The following LRMDA variants were observed in gnomAD, a reference collection of about 807,000 sequenced individuals.
LRMDA encodes the protein leucine-rich melanocyte differentiation-associated protein.
In LRMDA, 18 loss-of-function variants were observed where a neutral mutation model predicts 29.8. That is an observed-to-expected ratio of 0.60 (90% CI 0.42 to 0.90). The LOEUF is 0.90. Among genes scored for constraint, LRMDA ranks in the 40% least tolerant of loss-of-function variants. LRMDA has a pLI of 0.00. For synonymous variants in LRMDA, 125 were observed against 109.4 expected, an observed-to-expected ratio of 1.14 and a Z score of -0.89; for missense variants, 273 against 273.9, an observed-to-expected ratio of 1.00 and a Z score of 0.02.
chr10:75,874,108 G>A (rs1845157176), intron 2 of LRMDA, among the ~76,000 whole-genome samples: 1 of 152,140 alleles, frequency 6.6e-6, no homozygotes, highest in African/African-American at 2.4e-5. Context: ...GAACTCAAGA[G>A]GTGGTAGATT....
intron 2 of LRMDA, among the ~76,000 whole-genome samples, chr10:75,925,816 C>A (rs1846111771): frequency 6.6e-6 from 1 of 151,932 alleles, no homozygotes; most frequent in South Asian, 2.1e-4. Flanking sequence ...GCATGCTTGG[C>A]TAGTTTTTGT....
rs1369392854 is a variant in LRMDA at position 76,519,737 on chromosome 10, A to G, written c.602-37472A>G. On this transcript the variant is annotated intron_variant, in intron 6 of 6. Coordinates refer to ENST00000611255, the MANE Select transcript of LRMDA (RefSeq NM_001305581.2). ...AGCAAAATGCCTCTTTAAAAAATTT[A>G]TATGATGCCTTGTGGGACTCAACTT... Among the ~76,000 whole-genome samples the G allele has an allele frequency of 2.6e-5, 4 of 152,304 alleles. No individual in the cohort carries two copies. In the South Asian group the frequency reaches 6.2e-4, roughly 24 times the overall value.
chr10:76,266,718 A>C (rs1840010541), intron 5 of LRMDA, among the ~76,000 whole-genome samples: 1 of 152,202 alleles, frequency 6.6e-6, no homozygotes, highest in Non-Finnish European at 1.5e-5. Flanking sequence ...CCTTGAGTTA[A>C]TTAGATTATT....
Position 76,558,378 on chromosome 10 carries a change from A to G in LRMDA, c.*1090A>G, listed in dbSNP as rs903733481. ...TCATGACCTCTCAGAAATCAAATCC[A>G]CAGGTTGTGAGACAGTGCTCTGTCT... On this transcript the variant is annotated 3_prime_UTR_variant, in exon 7 of 7. Coordinates refer to ENST00000611255, the MANE Select transcript of LRMDA (RefSeq NM_001305581.2). 2.0e-5 allele frequency: 3 copies of G among 152,190 alleles called. No individual in the cohort carries two copies. The highest frequency in any genetic ancestry group is 7.2e-5 in the African/African-American group (3 of 41,442). 9.4% of individuals were successfully genotyped at this position (152,190 alleles called of 1,614,324 possible).
intron 2 of LRMDA, among the ~76,000 whole-genome samples, chr10:75,747,045 T>C (rs1341959936): frequency 6.6e-6 from 1 of 152,170 alleles, no homozygotes; most frequent in African/African-American, 2.4e-5. Context: ...ATTATTCCAT[T>C]TAAAGAGGTT....
intron 2 of LRMDA, among the ~76,000 whole-genome samples, chr10:76,028,238 C>T (rs1462344899): frequency 6.6e-6 from 1 of 151,978 alleles, no homozygotes; most frequent in Non-Finnish European, 1.5e-5. Flanking sequence ...AAATTTCTCC[C>T]ATATTTTTAT....
At chr10:76,279,080 G>A (rs1255399300) in intron 5 of LRMDA, among the ~76,000 whole-genome samples, 1 of 152,148 alleles carries the variant, frequency 6.6e-6, no homozygotes, top group Non-Finnish European at 1.5e-5. Context: ...GAAAAATGGA[G>A]TATGATGGAG....
At chr10:76,374,941 TAAAAC>T (rs1490766533) in intron 6 of LRMDA, among the ~76,000 whole-genome samples, 1 of 152,304 alleles carries the variant, frequency 6.6e-6, no homozygotes, top group East Asian at 1.9e-4. Context: ...TGTAGAAACA[TAAAAC>T]AAAAGATTAC....
chr10:76,378,931 A>C (rs1161118907), intron 6 of LRMDA, among the ~76,000 whole-genome samples: 1 of 134,654 alleles, frequency 7.4e-6, no homozygotes, highest in African/African-American at 2.9e-5. Flanking sequence ...ATTTTGGCTC[A>C]CTGCAACCTC....
intron 5 of LRMDA, among the ~76,000 whole-genome samples, chr10:76,212,724 A>G (rs2132247666): frequency 6.6e-6 from 1 of 152,364 alleles, no homozygotes; most frequent in East Asian, 1.9e-4. Flanking sequence ...TCTGTGTACT[A>G]CATTGTGGGG....
At chr10:76,436,160 T>C (rs764914713) in intron 6 of LRMDA, among the ~76,000 whole-genome samples, 5 of 152,216 alleles carry the variant, frequency 3.3e-5, no homozygotes, top group Non-Finnish European at 4.4e-5. Context: ...GATGTTCTCA[T>C]GTGAGAAGCA....
intron 2 of LRMDA, among the ~76,000 whole-genome samples, chr10:75,918,120 A>T (rs945909921): frequency 2.0e-5 from 3 of 152,202 alleles, no homozygotes; most frequent in Admixed American, 6.5e-5. Flanking sequence ...ACTTGATGAG[A>T]TCATGGAAAT....
chr10:76,459,070 T>C (rs1842486703), intron 6 of LRMDA, among the ~76,000 whole-genome samples: 1 of 152,162 alleles, frequency 6.6e-6, no homozygotes, highest in Non-Finnish European at 1.5e-5. Context: ...TCAGATTTGG[T>C]ATGATTCAAT....
intron 2 of LRMDA, among the ~76,000 whole-genome samples, chr10:75,631,407 C>G (rs1008257020): frequency 6.6e-6 from 1 of 151,978 alleles, no homozygotes; most frequent in Admixed American, 6.6e-5. Context: ...CACTGCACCC[C>G]CCCCGCCCCG....
At chr10:76,156,006 T>C (rs1310199412) in intron 5 of LRMDA, among the ~76,000 whole-genome samples, 2 of 152,178 alleles carry the variant, frequency 1.3e-5, no homozygotes, top group South Asian at 2.1e-4. Context: ...TAGTGTTGGA[T>C]ATGGTTCATC....
At chr10:76,458,510 A>G (rs1842480732) in intron 6 of LRMDA, among the ~76,000 whole-genome samples, 1 of 152,220 alleles carries the variant, frequency 6.6e-6, no homozygotes, top group East Asian at 1.9e-4. Context: ...TAGAACCAAT[A>G]TGACATTTTT....
At chr10:76,082,650 C>T (rs1589318703) in intron 5 of LRMDA, among the ~76,000 whole-genome samples, 3 of 151,942 alleles carry the variant, frequency 2.0e-5, no homozygotes, top group East Asian at 1.9e-4. Flanking sequence ...TAAATGATCA[C>T]CTTGTACCCA....
intron 5 of LRMDA, among the ~76,000 whole-genome samples, chr10:76,286,757 CT>C (rs1466667922): frequency 6.6e-6 from 1 of 152,202 alleles, no homozygotes; most frequent in East Asian, 1.9e-4. Context: ...GTCATCCATT[CT>C]TTTGGGAGTA....
chr10:76,183,365 G>T (rs1351341328), intron 5 of LRMDA, among the ~76,000 whole-genome samples: 1 of 152,204 alleles, frequency 6.6e-6, no homozygotes, highest in African/African-American at 2.4e-5. Flanking sequence ...TATTTGCAAT[G>T]CAGTTTATCC....
Sources: allele counts gnomAD v4.1 joint callset (sites outside exome capture counted in the v4.1 genomes callset), GRCh38; gene constraint gnomAD v4.1.1; transcripts MANE v1.5; gene names NCBI Gene and HGNC (gene_info 2026-07-23, HGNC 2026-07-21).